Variants in KLHL7 observed in about 807,000 individuals in gnomAD.
KLHL7 encodes kelch like family member 7.
A neutral mutation model predicts 67.4 loss-of-function variants in KLHL7; 44 were observed. The observed-to-expected ratio is 0.65, with a 90% CI of 0.51 to 0.84. KLHL7 has a LOEUF of 0.84. Ranked by LOEUF, KLHL7 falls within the 40% of genes least tolerant of loss-of-function variation. KLHL7 has a pLI of 0.00. For missense variants in KLHL7, 362 were observed against 718.1 expected (o/e 0.50, Z 5.67); for synonymous variants, 252 against 243.3 (o/e 1.04, Z -0.33).
Position 23,152,161 on chromosome 7 carries a change from C to T in KLHL7, c.888C>T (p.Ala296=). 1 of 1,613,846 alleles carries T rather than the reference C, an allele frequency of 6.2e-7. No homozygotes were observed. The highest frequency in any genetic ancestry group is 8.5e-7 in the Non-Finnish European group (1 of 1,179,814). Residue 296 remains alanine, a synonymous_variant, in exon 7 of 11, where the codon GCC becomes GCT. Transcript: ENST00000339077. ...PRRKKHDYRI[A]LFGGSQPQSC... ...GAAAGAAACATGACTACCGCATAGC[C>T]CTATTTGGAGGCTCTCAACCACAGT...
chr7:23,125,905 T>G, intron 4 of KLHL7: 1 of 1,487,744 alleles, frequency 6.7e-7, no homozygotes, highest in Non-Finnish European at 9.2e-7. Flanking sequence ...AGACCCCCAG[T>G]GAATGCCTGA....
chr7:23,174,387 G>T lies in KLHL7; in HGVS notation c.*89G>T. 1 of 1,397,026 alleles carries T rather than the reference G, an allele frequency of 7.2e-7. No individual in the cohort carries two copies. The highest frequency in any genetic ancestry group is 1.0e-6 in the Non-Finnish European group (1 of 989,292). 86.5% of individuals were successfully genotyped at this position (1,397,026 alleles called of 1,614,324 possible). On this transcript the variant is annotated 3_prime_UTR_variant, in exon 11 of 11. Coordinates refer to ENST00000339077, the MANE Select transcript of KLHL7 (RefSeq NM_001031710.3). ...GAGTTTGGTGACAAAGTTTTGGTTT[G>T]GTGTTTTGGTAAAGAAAGTTTCAAG...
At position 23,142,862 on chromosome 7, in the gene KLHL7, G is replaced by A. The variant is rs112573413; in HGVS notation, c.619-989G>A. Among the ~76,000 whole-genome samples the A allele has an allele frequency of 3.6e-3, 542 of 152,156 alleles. 5 individuals carry two copies. The highest frequency in any genetic ancestry group is 0.012 in the African/African-American group (503 of 41,508). On this transcript the variant is annotated intron_variant, in intron 5 of 10. Coordinates refer to ENST00000339077, the MANE Select transcript of KLHL7 (RefSeq NM_001031710.3). ...GTGTTCTTTATAGTATTGTGGAACA[G>A]AAAAATAACACTAGATAAAAACTAA...
chr7:23,163,302 CAGGGATTACA>C (rs1784904460), intron 7 of KLHL7, among the ~76,000 whole-genome samples: 2 of 152,086 alleles, frequency 1.3e-5, no homozygotes, highest in South Asian at 4.1e-4. Context: ...TCCCGAGTAG[CAGGGATTACA>C]CGTGCCTGCC....
chr7:23,175,037 TAAATA>T lies in KLHL7; in HGVS notation c.*743_*747del. ...ATTCTGCCTCTTTAGTCCTCACTGT[TAAATA>T]AAACCCAATCATAGTAAGTGATTAA... On this transcript the variant is annotated 3_prime_UTR_variant, in exon 11 of 11. Coordinates refer to ENST00000339077, the MANE Select transcript of KLHL7 (RefSeq NM_001031710.3). The T allele has an allele frequency of 2.2e-6, 1 of 452,972 alleles. No homozygotes were observed. The highest frequency in any genetic ancestry group is 4.4e-6 in the Non-Finnish European group (1 of 226,212). 28.1% of individuals were successfully genotyped at this position (452,972 alleles called of 1,614,324 possible).
At chr7:23,136,252 G>A (rs1357468157) in intron 4 of KLHL7, among the ~76,000 whole-genome samples, 4 of 152,140 alleles carry the variant, frequency 2.6e-5, no homozygotes, top group African/African-American at 9.7e-5. Context: ...CATTCATTTG[G>A]ATATTGCAAG....
At chr7:23,131,114 TTTC>T (rs575807100) in intron 4 of KLHL7, among the ~76,000 whole-genome samples, 166 of 152,308 alleles carry the variant, frequency 1.1e-3, no homozygotes, top group African/African-American at 4.0e-3. Context: ...TCATTTTAGA[TTTC>T]TTAGTGGGGC....
intron 4 of KLHL7, among the ~76,000 whole-genome samples, chr7:23,125,516 A>G (rs1027655025): frequency 3.9e-5 from 6 of 152,228 alleles, no homozygotes; most frequent in Admixed American, 2.6e-4. Context: ...GCTAAGGTCT[A>G]TCACAGATGA....
At position 23,105,938 on chromosome 7, in the gene KLHL7, G is replaced by T. The variant is rs747849612; in HGVS notation, c.-89G>T. 1.2e-5 allele frequency: 18 copies of T among 1,548,360 alleles called. No homozygotes were observed. The highest frequency in any genetic ancestry group is 1.6e-5 in the Non-Finnish European group (18 of 1,149,992). ...CTGCAGCTGCACTGCCGATCGCCGTGTTTGGTCGATAGAATCCCCAGTGTG... is the reference window on the plus strand; with the variant it reads ...CTGCAGCTGCACTGCCGATCGCCGTTTTTGGTCGATAGAATCCCCAGTGTG... On this transcript the variant is annotated 5_prime_UTR_variant, in exon 1 of 11. Transcript: ENST00000339077.
intron 6 of KLHL7, among the ~76,000 whole-genome samples, chr7:23,150,636 G>A (rs1017513460): frequency 6.6e-6 from 1 of 152,084 alleles, no homozygotes; most frequent in African/African-American, 2.4e-5. Context: ...CCTAGAAAGG[G>A]GAATTCCTGG....
At chr7:23,126,753 G>A (rs947572312) in intron 4 of KLHL7, among the ~76,000 whole-genome samples, 1 of 152,126 alleles carries the variant, frequency 6.6e-6, no homozygotes, top group East Asian at 1.9e-4. Context: ...AATTTCAGGA[G>A]GAAGTAAAAG....
At chr7:23,135,206 C>A (rs890670989) in intron 4 of KLHL7, among the ~76,000 whole-genome samples, 1 of 152,182 alleles carries the variant, frequency 6.6e-6, no homozygotes, top group African/African-American at 2.4e-5. Context: ...CATTCAGGAG[C>A]ATACTGTATA....
At chr7:23,132,122 C>T (rs1274380629) in intron 4 of KLHL7, among the ~76,000 whole-genome samples, 1 of 152,172 alleles carries the variant, frequency 6.6e-6, no homozygotes, top group Non-Finnish European at 1.5e-5. Context: ...CATAAGGATG[C>T]AGATATCTCT....
chr7:23,135,519 G>A (rs1783946237), intron 4 of KLHL7, among the ~76,000 whole-genome samples: 1 of 152,200 alleles, frequency 6.6e-6, no homozygotes, highest in Non-Finnish European at 1.5e-5. Flanking sequence ...AGTGCTGAAA[G>A]TGGGGTGTTG....
chr7:23,171,953 C>G (rs1583740642), intron 9 of KLHL7, among the ~76,000 whole-genome samples: 1 of 152,230 alleles, frequency 6.6e-6, no homozygotes, highest in African/African-American at 2.4e-5. Context: ...TCATGATCCG[C>G]CTGCCTCGGC....
At chr7:23,145,392 T>C (rs1313093379) in intron 6 of KLHL7, among the ~76,000 whole-genome samples, 1 of 152,170 alleles carries the variant, frequency 6.6e-6, no homozygotes, top group Non-Finnish European at 1.5e-5. Flanking sequence ...AAAGTAGTCT[T>C]TGTAGTGCTT....
intron 6 of KLHL7, 35 bp downstream of exon 6, chr7:23,144,060 A>G (rs774550077): frequency 9.0e-6 from 14 of 1,563,290 alleles, no homozygotes; most frequent in South Asian, 3.3e-5. Context: ...TAACCTGATC[A>G]TGTAGCCAGT....
intron 1 of KLHL7, among the ~76,000 whole-genome samples, chr7:23,115,262 T>C (rs910637691): frequency 3.3e-5 from 5 of 152,206 alleles, no homozygotes; most frequent in African/African-American, 1.2e-4. Context: ...AGCCCAGATG[T>C]TGACATTTTA....
chr7:23,157,361 A>G (rs1007066460), intron 7 of KLHL7, among the ~76,000 whole-genome samples: 9 of 152,198 alleles, frequency 5.9e-5, no homozygotes, highest in African/African-American at 1.2e-4. Context: ...AGCAGCTGAC[A>G]TTGCTGAGAT....
Sources: allele counts gnomAD v4.1 joint callset (sites outside exome capture counted in the v4.1 genomes callset), GRCh38; gene constraint gnomAD v4.1.1; transcripts MANE v1.5; gene names NCBI Gene and HGNC (gene_info 2026-07-23, HGNC 2026-07-21).